Variants in MRAP2 observed in about 807,000 individuals in gnomAD.
MRAP2 encodes the protein melanocortin-2 receptor accessory protein 2.
MRAP2 carries 20 observed loss-of-function variants against 17.4 expected under a neutral mutation model. The observed-to-expected ratio is 1.15, with a 90% CI of 0.81 to 1.67. The LOEUF (loss-of-function observed/expected upper bound fraction) is 1.67, where lower values mean the gene tolerates loss of function less well. MRAP2 is among the 40% of genes most tolerant of loss of function. The probability of loss-of-function intolerance (pLI) is 0.00; values close to 1 mark genes in which losing one functional copy is unlikely to be tolerated. For synonymous variants in MRAP2, 96 were observed against 88.4 expected, an observed-to-expected ratio of 1.09 and a Z score of -0.48; for missense variants, 238 against 240.0, an observed-to-expected ratio of 0.99 and a Z score of 0.05.
At chr6:84,138,921 A>G in the MRAP2 span, among the ~76,000 whole-genome samples, 2 of 152,218 alleles carry the variant, frequency 1.3e-5, no homozygotes, top group African/African-American at 4.8e-5. Context: ...ACAAGATTTT[A>G]AAAACTGACA....
At chr6:84,075,299 A>G (rs2099497299) in intron 3 of MRAP2, among the ~76,000 whole-genome samples, 1 of 152,220 alleles carries the variant, frequency 6.6e-6, no homozygotes, top group African/African-American at 2.4e-5. Flanking sequence ...TGTATCCAGA[A>G]GGAAAGAGGC....
intron 1 of MRAP2, among the ~76,000 whole-genome samples, chr6:84,049,731 C>T (rs1428993554): frequency 6.6e-6 from 1 of 152,104 alleles, no homozygotes; most frequent in Non-Finnish European, 1.5e-5. Flanking sequence ...AGTCTTCAGG[C>T]TTGGGAACAC....
downstream of MRAP2, among the ~76,000 whole-genome samples, chr6:84,093,308 T>C (rs2099502103): frequency 6.6e-6 from 1 of 152,114 alleles, no homozygotes; most frequent in African/African-American, 2.4e-5. Flanking sequence ...ACTTATCCTA[T>C]GTAGGAACTT....
the MRAP2 span, among the ~76,000 whole-genome samples, chr6:84,136,346 G>A: frequency 6.6e-6 from 1 of 152,188 alleles, no homozygotes; most frequent in South Asian, 2.1e-4. Context: ...CATCTGGGAA[G>A]GGCCTTTTGC....
chr6:84,100,294 A>T, the MRAP2 span, among the ~76,000 whole-genome samples: 1 of 151,862 alleles, frequency 6.6e-6, no homozygotes, highest in Non-Finnish European at 1.5e-5. Context: ...ACAGGGTCTC[A>T]CTCTGTCACC....
intron 3 of MRAP2, among the ~76,000 whole-genome samples, chr6:84,064,002 A>G (rs950610183): frequency 2.6e-4 from 39 of 151,860 alleles, no homozygotes; most frequent in Admixed American, 2.5e-3. Flanking sequence ...CCAAGGTCAC[A>G]CCACCGCACT....
At chr6:84,134,252 G>A in the MRAP2 span, among the ~76,000 whole-genome samples, 2 of 152,190 alleles carry the variant, frequency 1.3e-5, no homozygotes, top group Non-Finnish European at 2.9e-5. Context: ...AGCTATGCTG[G>A]CAGTGAGAAT....
chr6:84,107,930 C>A, the MRAP2 span, among the ~76,000 whole-genome samples: 2 of 152,192 alleles, frequency 1.3e-5, no homozygotes, highest in East Asian at 3.8e-4. Flanking sequence ...CAAGAATACA[C>A]CAAACCAGGA....
chr6:84,074,986 TCAGA>T (rs1324885683), intron 3 of MRAP2, among the ~76,000 whole-genome samples: 1 of 152,200 alleles, frequency 6.6e-6, no homozygotes, highest in African/African-American at 2.4e-5. Context: ...GGCTAGGCTG[TCAGA>T]CAGTAAGAAG....
chr6:84,064,487 G>GTT (rs35861298), intron 3 of MRAP2, among the ~76,000 whole-genome samples: 29,183 of 151,534 alleles, frequency 0.19, 7,013 homozygotes, highest in African/African-American at 0.57. Flanking sequence ...GTTTTGTTTT[G>GTT]TTTTTTTGTT....
intron 1 of MRAP2, among the ~76,000 whole-genome samples, chr6:84,040,417 C>G (rs1290818325): frequency 2.0e-5 from 3 of 152,074 alleles, no homozygotes; most frequent in Non-Finnish European, 4.4e-5. Context: ...TTAAAGATAC[C>G]AGAAAATGTG....
At chr6:84,112,859 C>T in the MRAP2 span, among the ~76,000 whole-genome samples, 17 of 152,248 alleles carry the variant, frequency 1.1e-4, no homozygotes, top group African/African-American at 4.1e-4. Flanking sequence ...TTGTTATTTA[C>T]CCAGTAGTCA....
chr6:84,109,607 T>C, the MRAP2 span, among the ~76,000 whole-genome samples: 2 of 152,144 alleles, frequency 1.3e-5, no homozygotes, highest in Non-Finnish European at 2.9e-5. Context: ...AACTTCTTTA[T>C]TATTATTATT....
At chr6:84,131,672 T>C in the MRAP2 span, among the ~76,000 whole-genome samples, 11 of 150,336 alleles carry the variant, frequency 7.3e-5, no homozygotes, top group Non-Finnish European at 1.0e-4. Context: ...CTGCTTTTTT[T>C]TTGTTTTGTT....
Position 84,089,196 on chromosome 6 carries a change from G to A in MRAP2, c.333G>A (p.Glu111=), listed in dbSNP as rs778642118. The A allele has an allele frequency of 6.2e-7, 1 of 1,614,212 alleles. No homozygotes were observed. Among genetic ancestry groups the A allele is most frequent in the Non-Finnish European group, 8.5e-7 (1 of 1,180,048 alleles). The change falls in exon 4 of 4, where the codon GAG becomes GAA. Residue 111 remains glutamate (E), a synonymous_variant. Coordinates refer to ENST00000257776, the MANE Select transcript of MRAP2 (RefSeq NM_138409.4). The stretch of plus-strand genomic sequence containing the variant: ...TATTTTCTCGCCAAGGCAACGAGGA[G>A]TCCAGGTCTCTCTTTCACTGCTACA... ...DKVFSRQGNE[E]SRSLFHCYIN... is the part of the protein sequence containing the mutation.
At chr6:84,107,434 C>A in the MRAP2 span, among the ~76,000 whole-genome samples, 1 of 152,158 alleles carries the variant, frequency 6.6e-6, no homozygotes, top group African/African-American at 2.4e-5. Flanking sequence ...TTATTTCCCA[C>A]CCTCTCACAT....
intron 3 of MRAP2, among the ~76,000 whole-genome samples, chr6:84,079,392 G>T (rs2099498404): frequency 6.6e-6 from 1 of 152,284 alleles, no homozygotes; most frequent in East Asian, 1.9e-4. Context: ...TACCTAAAGG[G>T]GGTAGAAATT....
At chr6:84,065,013 G>A (rs995466969) in intron 3 of MRAP2, among the ~76,000 whole-genome samples, 2 of 152,202 alleles carry the variant, frequency 1.3e-5, no homozygotes, top group Admixed American at 6.5e-5. Flanking sequence ...AGCCAGGCAC[G>A]GTGGCTCATG....
intron 1 of MRAP2, chr6:84,045,108 A>G (rs1346018490): frequency 6.4e-6 from 3 of 469,540 alleles, no homozygotes; most frequent in Non-Finnish European, 5.6e-6. Context: ...TGCAAATACT[A>G]CACCATTTTA....
Sources: gnomAD v4.1 joint callset for allele counts (sites outside exome capture counted in the v4.1 genomes callset) on GRCh38, gnomAD v4.1.1 for gene constraint, MANE v1.5 for transcripts, NCBI Gene and HGNC (gene_info 2026-07-23, HGNC 2026-07-21) for gene names.